TRAPPC9: variants seen among roughly 807,000 people sequenced by gnomAD.
TRAPPC9 encodes trafficking protein particle complex subunit 9.
In TRAPPC9, 83 loss-of-function variants were observed where a neutral mutation model predicts 124.0. The ratio of observed to expected loss-of-function variants is 0.67; its 90% CI spans 0.56 to 0.80. TRAPPC9 has a LOEUF of 0.80. TRAPPC9 is among the 30% of genes least tolerant of loss of function. The probability of loss-of-function intolerance (pLI) is 0.00; values close to 1 mark genes in which losing one functional copy is unlikely to be tolerated. For missense variants in TRAPPC9, 1,302 were observed against 1,508.3 expected, an observed-to-expected ratio of 0.86 and a Z score of 2.27; for synonymous variants, 638 against 617.5, an observed-to-expected ratio of 1.03 and a Z score of -0.49.
At chr8:140,308,465 T>C (rs2066199402) in intron 10 of TRAPPC9, among the ~76,000 whole-genome samples, 1 of 151,994 alleles carries the variant, frequency 6.6e-6, no homozygotes, top group Non-Finnish European at 1.5e-5. Flanking sequence ...TGAGACCAGG[T>C]ACGATCCACG....
chr8:140,223,545 T>C (rs1331071250), intron 16 of TRAPPC9, among the ~76,000 whole-genome samples: 1 of 152,242 alleles, frequency 6.6e-6, no homozygotes, highest in Non-Finnish European at 1.5e-5. Flanking sequence ...AATGGCTGCA[T>C]ATCTCAAACG....
chr8:140,324,547 G>C (rs1476395803), intron 9 of TRAPPC9, among the ~76,000 whole-genome samples: 1 of 152,186 alleles, frequency 6.6e-6, no homozygotes, highest in Non-Finnish European at 1.5e-5. Context: ...AAGGCAGGAG[G>C]ATTGCTTGAG....
intron 21 of TRAPPC9, among the ~76,000 whole-genome samples, chr8:139,832,325 T>C (rs1449507658): frequency 1.3e-5 from 2 of 152,260 alleles, no homozygotes; most frequent in African/African-American, 4.8e-5. Flanking sequence ...CTGCTTTTAA[T>C]ACTCGAAATC....
At chr8:140,058,339 C>T (rs1220860659) in intron 17 of TRAPPC9, among the ~76,000 whole-genome samples, 1 of 152,186 alleles carries the variant, frequency 6.6e-6, no homozygotes, top group Non-Finnish European at 1.5e-5. Flanking sequence ...ATCATTTAAA[C>T]CCACTGGCGA....
chr8:139,981,807 C>T (rs558282714), intron 19 of TRAPPC9, among the ~76,000 whole-genome samples: 3 of 152,316 alleles, frequency 2.0e-5, no homozygotes, highest in East Asian at 3.9e-4. Context: ...CTGCCCCTCT[C>T]GCAGCAGAGC....
chr8:140,194,588 G>C (rs1218859455), intron 17 of TRAPPC9, among the ~76,000 whole-genome samples: 1 of 152,104 alleles, frequency 6.6e-6, no homozygotes. Flanking sequence ...CTGTAACTGA[G>C]GCTCCTGAAA....
At chr8:139,810,140 G>A (rs993228168) in intron 21 of TRAPPC9, among the ~76,000 whole-genome samples, 2 of 152,178 alleles carry the variant, frequency 1.3e-5, no homozygotes, top group African/African-American at 4.8e-5. Context: ...AAGCCACCAG[G>A]AAGAGGAGGC....
At chr8:139,804,544 CCACCACCGCCACCAAG>C (rs1249678842) in intron 21 of TRAPPC9, among the ~76,000 whole-genome samples, 3 of 131,870 alleles carry the variant, frequency 2.3e-5, no homozygotes, top group Non-Finnish European at 4.9e-5. Context: ...CCACCACCAC[CCACCACCGCCACCAAG>C]CACCACCGCC....
At chr8:139,893,557 G>A (rs1379703580) in intron 20 of TRAPPC9, among the ~76,000 whole-genome samples, 1 of 152,194 alleles carries the variant, frequency 6.6e-6, no homozygotes, top group Non-Finnish European at 1.5e-5. Context: ...GCAACTCCTC[G>A]GACCAAAAGT....
At chr8:139,924,342 G>A (rs953138224) in intron 19 of TRAPPC9, among the ~76,000 whole-genome samples, 6 of 152,194 alleles carry the variant, frequency 3.9e-5, no homozygotes, top group Non-Finnish European at 5.9e-5. Flanking sequence ...TCCCATGGAC[G>A]ACAGGAGCCC....
At chr8:140,231,481 CTTTTTTTTTTTTTTT>C (rs71320347) in intron 16 of TRAPPC9, among the ~76,000 whole-genome samples, 66 of 56,990 alleles carry the variant, frequency 1.2e-3, no homozygotes, top group Middle Eastern at 0.017. Context: ...ACTGCCTTTT[CTTTTTTTTTTTTTTT>C]TTTTTTTTTT....
intron 19 of TRAPPC9, among the ~76,000 whole-genome samples, chr8:139,964,538 A>T (rs1414924386): frequency 6.6e-6 from 1 of 152,194 alleles, no homozygotes; most frequent in African/African-American, 2.4e-5. Flanking sequence ...GAGCCTCAGG[A>T]TCCTCATCTG....
intron 21 of TRAPPC9, among the ~76,000 whole-genome samples, chr8:139,741,401 C>A (rs948631000): frequency 6.6e-6 from 1 of 152,180 alleles, no homozygotes; most frequent in Admixed American, 6.5e-5. Flanking sequence ...TGGCGAGTGG[C>A]TCAGGAGCTG....
At chr8:139,997,497 G>A (rs1314644588) in intron 18 of TRAPPC9, among the ~76,000 whole-genome samples, 2 of 146,412 alleles carry the variant, frequency 1.4e-5, no homozygotes, top group Admixed American at 1.4e-4. Context: ...ATTCCACACA[G>A]GGGAGACAAT....
chr8:139,763,783 C>T (rs1012658573), intron 21 of TRAPPC9, among the ~76,000 whole-genome samples: 5 of 152,134 alleles, frequency 3.3e-5, no homozygotes, highest in Admixed American at 1.3e-4. Flanking sequence ...CAGACCAGGT[C>T]GAAGCTGTAC....
intron 19 of TRAPPC9, among the ~76,000 whole-genome samples, chr8:139,943,331 T>A (rs1834023968): frequency 6.6e-6 from 1 of 152,234 alleles, no homozygotes; most frequent in South Asian, 2.1e-4. Context: ...CCTCCCAAAG[T>A]GCTGGGATTA....
chr8:140,356,390 C>A (rs1201782608), intron 9 of TRAPPC9, among the ~76,000 whole-genome samples: 2 of 152,160 alleles, frequency 1.3e-5, no homozygotes, highest in African/African-American at 4.8e-5. Flanking sequence ...TGGAGACAGT[C>A]GGCTCATCAG....
intron 19 of TRAPPC9, among the ~76,000 whole-genome samples, chr8:139,970,966 T>TC (rs1836023084): frequency 7.1e-6 from 1 of 140,464 alleles, no homozygotes; most frequent in Non-Finnish European, 1.5e-5. Flanking sequence ...CAACCCCACC[T>TC]GCCCTGTGGC....
chr8:139,891,053 C>T (rs1162217677), intron 20 of TRAPPC9, among the ~76,000 whole-genome samples: 1 of 152,044 alleles, frequency 6.6e-6, no homozygotes, highest in African/African-American at 2.4e-5. Context: ...CGCTCAGCTT[C>T]CCAGAAATTT....
Sources: gnomAD v4.1 joint callset for allele counts (sites outside exome capture counted in the v4.1 genomes callset) on GRCh38, gnomAD v4.1.1 for gene constraint, MANE v1.5 for transcripts, NCBI Gene and HGNC (gene_info 2026-07-23, HGNC 2026-07-21) for gene names.